The following ARHGEF26 variants were observed in gnomAD, a reference collection of about 807,000 sequenced individuals.
The protein encoded by ARHGEF26 is Rho guanine nucleotide exchange factor 26.
A neutral mutation model predicts 89.4 loss-of-function variants in ARHGEF26; 59 were observed. The ratio of observed to expected loss-of-function variants is 0.66; its 90% CI spans 0.54 to 0.82. The LOEUF is 0.82. Ranked by LOEUF, ARHGEF26 falls within the 40% of genes least tolerant of loss-of-function variation. ARHGEF26 has a pLI of 0.00. For synonymous variants in ARHGEF26, 500 were observed against 428.4 expected, an observed-to-expected ratio of 1.17 and a Z score of -2.06; for missense variants, 1,234 against 1,085.6, an observed-to-expected ratio of 1.14 and a Z score of -1.92.
At chr3:154,245,916 T>C (rs548097927) in intron 12 of ARHGEF26, among the ~76,000 whole-genome samples, 30 of 152,360 alleles carry the variant, frequency 2.0e-4, no homozygotes, top group African/African-American at 6.3e-4. Flanking sequence ...ACCGATCCCC[T>C]TGGGCTTCCT....
chr3:154,121,965 C>T lies in ARHGEF26; in HGVS notation c.-28C>T. On this transcript the variant is annotated 5_prime_UTR_variant, in exon 2 of 15. Coordinates refer to ENST00000465093, the MANE Select transcript of ARHGEF26 (RefSeq NM_015595.4). The stretch of plus-strand genomic sequence containing the variant: ...AGGCAAGACTAACTCGGTGTTGCTC[C>T]TCCCGGCGCTGACTTCGAGGCCCGG... The T allele has an allele frequency of 4.5e-6, 7 of 1,563,220 alleles. No individual in the cohort carries two copies. Among genetic ancestry groups the T allele is most frequent in the Non-Finnish European group, 6.1e-6 (7 of 1,149,918 alleles).
intron 5 of ARHGEF26, among the ~76,000 whole-genome samples, chr3:154,150,998 T>G (rs1719987135): frequency 6.6e-6 from 1 of 152,190 alleles, no homozygotes. Context: ...AATAGTTCAT[T>G]AAGTCTTTTT....
intron 4 of ARHGEF26, among the ~76,000 whole-genome samples, chr3:154,140,670 C>T (rs753413996): frequency 3.3e-5 from 5 of 151,296 alleles, no homozygotes; most frequent in Non-Finnish European, 5.9e-5. Flanking sequence ...CTGCAACCTC[C>T]GCCTCCCATA....
At chr3:154,133,266 A>T (rs986392812) in intron 4 of ARHGEF26, among the ~76,000 whole-genome samples, 1 of 152,156 alleles carries the variant, frequency 6.6e-6, no homozygotes, top group Non-Finnish European at 1.5e-5. Context: ...GTGTTCAGCT[A>T]TACAGATGAC....
At chr3:154,171,023 A>G (rs539740515) in intron 6 of ARHGEF26, among the ~76,000 whole-genome samples, 6 of 152,298 alleles carry the variant, frequency 3.9e-5, no homozygotes, top group Non-Finnish European at 5.9e-5. Context: ...GAGAAGAGAA[A>G]TGGGAGAGGA....
chr3:154,235,705 A>C (rs769709116), intron 11 of ARHGEF26, among the ~76,000 whole-genome samples: 1 of 152,218 alleles, frequency 6.6e-6, no homozygotes, highest in Non-Finnish European at 1.5e-5. Flanking sequence ...CCTATCATCC[A>C]TACTTAACAG....
At chr3:154,173,013 A>G (rs937336845) in intron 6 of ARHGEF26, among the ~76,000 whole-genome samples, 18 of 152,184 alleles carry the variant, frequency 1.2e-4, no homozygotes, top group African/African-American at 4.1e-4. Flanking sequence ...GTCGTAGCCT[A>G]TGTTGTAGCC....
At chr3:154,124,577 C>A in intron 3 of ARHGEF26, 128 bp downstream of exon 3, 1 of 809,434 alleles carries the variant, frequency 1.2e-6, no homozygotes. Context: ...TCAAATTATA[C>A]AGTCCAAAGC....
At chr3:154,208,917 C>T (rs1331357615) in intron 9 of ARHGEF26, among the ~76,000 whole-genome samples, 2 of 151,946 alleles carry the variant, frequency 1.3e-5, no homozygotes, top group Non-Finnish European at 2.9e-5. Flanking sequence ...AGGCACATAC[C>T]ACCATGCCTG....
intron 6 of ARHGEF26, among the ~76,000 whole-genome samples, chr3:154,164,892 T>TA (rs1387273852): frequency 6.6e-6 from 1 of 152,194 alleles, no homozygotes; most frequent in Non-Finnish European, 1.5e-5. Flanking sequence ...CAAGCGTTCT[T>TA]ACAAGTTGAG....
chr3:154,223,894 A>G (rs1339785930), intron 10 of ARHGEF26, among the ~76,000 whole-genome samples: 1 of 152,142 alleles, frequency 6.6e-6, no homozygotes, highest in African/African-American at 2.4e-5. Context: ...TTTGCTCTTC[A>G]GCAGCTCTCT....
chr3:154,235,345 TGTCATAAA>T lies in ARHGEF26; in HGVS notation c.2091-5022_2091-5015del, dbSNP rs555724932. On this transcript the variant is annotated intron_variant, in intron 11 of 14. Coordinates refer to ENST00000465093, the MANE Select transcript of ARHGEF26 (RefSeq NM_015595.4). The stretch of plus-strand genomic sequence containing the variant: ...TCCATATTAAGGGTTTTGTGGGTTT[TGTCATAAA>T]GTGGGTTTTGTCATAAATAAAGTGA... Among the ~76,000 whole-genome samples, 60 of 152,362 alleles carry T rather than the reference TGTCATAAA, an allele frequency of 3.9e-4. 1 individual carries two copies. The East Asian group carries it at 8.5e-3, about 22-fold the overall frequency.
intron 6 of ARHGEF26, among the ~76,000 whole-genome samples, chr3:154,170,577 T>G (rs1712367531): frequency 6.6e-6 from 1 of 152,222 alleles, no homozygotes. Context: ...GTACCATTTG[T>G]CCTGTGTGAC....
chr3:154,231,563 A>G (rs185860377), intron 11 of ARHGEF26, among the ~76,000 whole-genome samples: 2 of 121,054 alleles, frequency 1.7e-5, no homozygotes, highest in Non-Finnish European at 3.4e-5. Context: ...GATACATGCT[A>G]TCATTAAGAT....
intron 4 of ARHGEF26, among the ~76,000 whole-genome samples, chr3:154,142,190 A>G (rs569384566): frequency 6.6e-6 from 1 of 152,262 alleles, no homozygotes; most frequent in East Asian, 1.9e-4. Flanking sequence ...AAAGTAATGA[A>G]GGTGTAAATT....
chr3:154,162,817 C>T (rs1417229868), intron 6 of ARHGEF26, among the ~76,000 whole-genome samples: 4 of 151,858 alleles, frequency 2.6e-5, no homozygotes, highest in Non-Finnish European at 5.9e-5. Flanking sequence ...GAATAAGATG[C>T]TTGGGAAAGG....
intron 12 of ARHGEF26, 115 bp from the exon 13 acceptor site, chr3:154,253,001 C>G (rs1383694742): frequency 8.8e-7 from 1 of 1,133,686 alleles, no homozygotes; most frequent in Non-Finnish European, 1.3e-6. Flanking sequence ...TTTACCATAC[C>G]TCTCTAGAGA....
At chr3:154,151,202 A>G (rs1719996368) in intron 5 of ARHGEF26, among the ~76,000 whole-genome samples, 1 of 152,208 alleles carries the variant, frequency 6.6e-6, no homozygotes, top group African/African-American at 2.4e-5. Flanking sequence ...TCAAGGAATC[A>G]AGACAAAAGC....
chr3:154,200,460 TC>T (rs1714559822), intron 9 of ARHGEF26, among the ~76,000 whole-genome samples: 1 of 152,170 alleles, frequency 6.6e-6, no homozygotes, highest in South Asian at 2.1e-4. Context: ...TTGGTTATTA[TC>T]GCTCTGTAAT....
Sources: gnomAD v4.1 joint callset for allele counts (sites outside exome capture counted in the v4.1 genomes callset) on GRCh38, gnomAD v4.1.1 for gene constraint, MANE v1.5 for transcripts, NCBI Gene and HGNC (gene_info 2026-07-23, HGNC 2026-07-21) for gene names.